Variants in PDE7B observed in about 807,000 individuals in gnomAD.
PDE7B encodes 3',5'-cyclic-AMP phosphodiesterase 7B.
In PDE7B, 29 loss-of-function variants were observed where a neutral mutation model predicts 56.2. The ratio of observed to expected loss-of-function variants is 0.52; its 90% CI spans 0.38 to 0.70. The LOEUF is 0.70. PDE7B is among the 30% of genes least tolerant of loss of function. PDE7B has a pLI of 0.00. For synonymous variants in PDE7B, 197 were observed against 196.9 expected (o/e 1.00, Z 0.00); for missense variants, 490 against 565.0 (o/e 0.87, Z 1.35).
At chr6:136,156,938 T>C (rs1407282833) in intron 8 of PDE7B, among the ~76,000 whole-genome samples, 1 of 152,106 alleles carries the variant, frequency 6.6e-6, no homozygotes, top group African/African-American at 2.4e-5. Context: ...CAACAAACTG[T>C]TTAACTAACC....
chr6:136,003,928 A>G (rs1173556018), intron 2 of PDE7B, among the ~76,000 whole-genome samples: 1 of 152,170 alleles, frequency 6.6e-6, no homozygotes, highest in Non-Finnish European at 1.5e-5. Context: ...AATATCCTTG[A>G]TGAACATTGA....
At chr6:136,002,846 T>A (rs1260862370) in intron 2 of PDE7B, among the ~76,000 whole-genome samples, 11 of 151,944 alleles carry the variant, frequency 7.2e-5, no homozygotes, top group Non-Finnish European at 1.5e-5. Flanking sequence ...CTGCACCAAG[T>A]GGACCTAATA....
chr6:135,972,756 T>C (rs1319455778), intron 2 of PDE7B, among the ~76,000 whole-genome samples: 1 of 152,192 alleles, frequency 6.6e-6, no homozygotes, highest in African/African-American at 2.4e-5. Flanking sequence ...GAGGTTTTTA[T>C]GACCATTGAT....
intron 2 of PDE7B, among the ~76,000 whole-genome samples, chr6:136,066,949 G>A (rs1776948346): frequency 6.6e-6 from 1 of 150,980 alleles, no homozygotes; most frequent in African/African-American, 2.4e-5. Flanking sequence ...TAGAACTCCT[G>A]GCCGCAAGTG....
chr6:135,907,069 A>G (rs371021713), intron 1 of PDE7B, among the ~76,000 whole-genome samples: 16 of 147,480 alleles, frequency 1.1e-4, no homozygotes, highest in East Asian at 9.7e-4. Flanking sequence ...TCCTTGGTGA[A>G]CTGCAAACTC....
chr6:135,945,147 G>A (rs1469960830), intron 1 of PDE7B, among the ~76,000 whole-genome samples: 1 of 152,166 alleles, frequency 6.6e-6, no homozygotes, highest in East Asian at 1.9e-4. Flanking sequence ...AAGGTTTAAT[G>A]TCTTCCAAAA....
chr6:136,183,595 CA>C (rs59123124), intron 11 of PDE7B, among the ~76,000 whole-genome samples: 3,849 of 66,140 alleles, frequency 0.058, 115 homozygotes, highest in East Asian at 0.17. Flanking sequence ...GACTCTGTCT[CA>C]AAAAAAAAAA....
intron 2 of PDE7B, among the ~76,000 whole-genome samples, chr6:136,014,745 A>G (rs1337655024): frequency 6.6e-6 from 1 of 152,178 alleles, no homozygotes; most frequent in Non-Finnish European, 1.5e-5. Context: ...TTACACATAA[A>G]ATGAAATATT....
At chr6:136,159,850 A>G (rs968229248) in intron 8 of PDE7B, among the ~76,000 whole-genome samples, 13 of 152,226 alleles carry the variant, frequency 8.5e-5, no homozygotes, top group African/African-American at 3.1e-4. Context: ...GAGGAAAAAA[A>G]CAGTTTAAAT....
chr6:135,888,169 G>A (rs944747021), intron 1 of PDE7B, among the ~76,000 whole-genome samples: 1 of 152,032 alleles, frequency 6.6e-6, no homozygotes, highest in African/African-American at 2.4e-5. Flanking sequence ...AGTGAGTTTC[G>A]TTTTAAAGAC....
At chr6:136,002,485 A>G (rs9494436) in intron 2 of PDE7B, among the ~76,000 whole-genome samples, 13,945 of 152,176 alleles carry the variant, frequency 0.092, 1,079 homozygotes, top group African/African-American at 0.21. Flanking sequence ...ACATAGGATC[A>G]AAATAAAAGG....
At chr6:135,869,380 T>C (rs1176883724) in intron 1 of PDE7B, among the ~76,000 whole-genome samples, 2 of 152,114 alleles carry the variant, frequency 1.3e-5, no homozygotes, top group Non-Finnish European at 2.9e-5. Flanking sequence ...TCAGAAAATC[T>C]CTAATATATG....
chr6:135,856,854 A>T (rs1221473326), intron 1 of PDE7B, among the ~76,000 whole-genome samples: 1 of 152,218 alleles, frequency 6.6e-6, no homozygotes. Context: ...AATGGTTTAC[A>T]TATTTATGTG....
chr6:136,133,732 G>A (rs1778159141), intron 3 of PDE7B, among the ~76,000 whole-genome samples: 1 of 152,150 alleles, frequency 6.6e-6, no homozygotes. Flanking sequence ...CTGCCACATA[G>A]CAAGTGAGCT....
intron 3 of PDE7B, among the ~76,000 whole-genome samples, chr6:136,116,296 A>G (rs1300969795): frequency 2.0e-5 from 3 of 152,270 alleles, no homozygotes; most frequent in Non-Finnish European, 4.4e-5. Context: ...AATAAAGTTC[A>G]TTAACTAGAG....
intron 2 of PDE7B, among the ~76,000 whole-genome samples, chr6:135,966,299 T>C (rs1174637583): frequency 1.3e-5 from 2 of 152,162 alleles, no homozygotes; most frequent in Non-Finnish European, 2.9e-5. Context: ...CCGCTTCTGT[T>C]TTTCTCTCTT....
intron 1 of PDE7B, among the ~76,000 whole-genome samples, chr6:135,896,362 C>T (rs577068144): frequency 6.6e-6 from 1 of 152,162 alleles, no homozygotes; most frequent in South Asian, 2.1e-4. Context: ...AAGATAACTA[C>T]TCCAACCCAT....
At chr6:136,029,717 GA>G (rs1199774273) in intron 2 of PDE7B, among the ~76,000 whole-genome samples, 1 of 151,848 alleles carries the variant, frequency 6.6e-6, no homozygotes, top group African/African-American at 2.4e-5. Context: ...AATGTGGGAT[GA>G]AAAAAAATTA....
At chr6:135,992,994 A>G (rs920327848) in intron 2 of PDE7B, 8 of 152,224 alleles carry the variant, frequency 5.3e-5, no homozygotes, top group African/African-American at 1.7e-4. Flanking sequence ...GCCCAATGTC[A>G]CACAGTGAGT....
Sources: allele counts gnomAD v4.1 joint callset (sites outside exome capture counted in the v4.1 genomes callset), GRCh38; gene constraint gnomAD v4.1.1; transcripts MANE v1.5; gene names NCBI Gene and HGNC (gene_info 2026-07-23, HGNC 2026-07-21).